The following PTPRD variants were observed in gnomAD, a reference collection of about 807,000 sequenced individuals.
PTPRD encodes the protein protein tyrosine phosphatase receptor type D, also known as receptor-type tyrosine-protein phosphatase delta.
A neutral mutation model predicts 214.5 loss-of-function variants in PTPRD; 34 were observed. The ratio of observed to expected loss-of-function variants is 0.16; its 90% CI spans 0.12 to 0.21. PTPRD has a LOEUF of 0.21. Among genes scored for constraint, PTPRD ranks in the 10% least tolerant of loss-of-function variants. The pLI is 1.00. For missense variants in PTPRD, 2,545 were observed against 2,398.7 expected (o/e 1.06, Z -1.27); for synonymous variants, 1,128 against 845.7 (o/e 1.33, Z -5.79).
chr9:9,118,623 A>T (rs1200916117), intron 10 of PTPRD, among the ~76,000 whole-genome samples: 2 of 152,242 alleles, frequency 1.3e-5, no homozygotes, highest in African/African-American at 2.4e-5. Flanking sequence ...TAAAGTTCTT[A>T]TATGTATAAA....
intron 8 of PTPRD, among the ~76,000 whole-genome samples, chr9:9,412,945 G>A (rs1236323210): frequency 6.6e-6 from 1 of 151,774 alleles, no homozygotes; most frequent in East Asian, 1.9e-4. Context: ...ATCAATGGAG[G>A]GATATAGTTT....
chr9:10,187,805 G>C (rs989959609), intron 3 of PTPRD, among the ~76,000 whole-genome samples: 1 of 152,130 alleles, frequency 6.6e-6, no homozygotes, highest in Admixed American at 6.5e-5. Flanking sequence ...CCTCTCACTA[G>C]AATTGTGGCA....
At chr9:10,150,557 T>C (rs569876883) in intron 3 of PTPRD, among the ~76,000 whole-genome samples, 1 of 152,062 alleles carries the variant, frequency 6.6e-6, no homozygotes, top group African/African-American at 2.4e-5. Context: ...ATATACCTAA[T>C]GTAACTGACC....
intron 12 of PTPRD, among the ~76,000 whole-genome samples, chr9:8,666,039 G>GT (rs35323995): frequency 0.17 from 23,922 of 144,440 alleles, 2,072 homozygotes; most frequent in African/African-American, 0.22. Context: ...TTTCATAACT[G>GT]TTTTTTTTTT....
At chr9:8,490,535 A>G (rs2097128953) in intron 27 of PTPRD, among the ~76,000 whole-genome samples, 1 of 152,236 alleles carries the variant, frequency 6.6e-6, no homozygotes, top group Non-Finnish European at 1.5e-5. Context: ...TGTTCAATAT[A>G]GTACTGAAAT....
At chr9:9,910,318 T>C (rs2078832414) in intron 5 of PTPRD, among the ~76,000 whole-genome samples, 2 of 152,024 alleles carry the variant, frequency 1.3e-5, no homozygotes, top group South Asian at 4.1e-4. Context: ...GTAATGTGAA[T>C]TTTTTCATCT....
intron 5 of PTPRD, among the ~76,000 whole-genome samples, chr9:9,857,885 G>C (rs1246978261): frequency 6.6e-6 from 1 of 151,510 alleles, no homozygotes; most frequent in Non-Finnish European, 1.5e-5. Flanking sequence ...TCTTTTAAAT[G>C]AGCATAGTTG....
At chr9:10,514,772 T>C (rs942013389) in intron 2 of PTPRD, among the ~76,000 whole-genome samples, 1 of 152,018 alleles carries the variant, frequency 6.6e-6, no homozygotes, top group Admixed American at 6.6e-5. Context: ...TGTATCCAGA[T>C]TTAATAGGCA....
chr9:9,372,099 G>T (rs940011333), intron 9 of PTPRD, among the ~76,000 whole-genome samples: 14 of 152,108 alleles, frequency 9.2e-5, no homozygotes, highest in Admixed American at 8.5e-4. Context: ...GTTGATTTGG[G>T]GTGGAGAGTT....
intron 5 of PTPRD, among the ~76,000 whole-genome samples, chr9:9,890,353 G>T (rs898083644): frequency 6.6e-6 from 1 of 151,438 alleles, no homozygotes; most frequent in Non-Finnish European, 1.5e-5. Flanking sequence ...TTCCCTCCAC[G>T]CCTGGCTATT....
chr9:8,845,627 G>C (rs1029085430), intron 11 of PTPRD, among the ~76,000 whole-genome samples: 17 of 150,920 alleles, frequency 1.1e-4, no homozygotes, highest in Admixed American at 3.3e-4. Flanking sequence ...TCAAAAACAA[G>C]ATTAGATACT....
chr9:9,345,399 A>C (rs1008234754), intron 9 of PTPRD, among the ~76,000 whole-genome samples: 3 of 152,114 alleles, frequency 2.0e-5, no homozygotes, highest in Non-Finnish European at 4.4e-5. Context: ...CAGAGGAGGC[A>C]TGAAGGCAGA....
intron 5 of PTPRD, among the ~76,000 whole-genome samples, chr9:9,817,446 A>T (rs1008162985): frequency 3.9e-5 from 6 of 152,200 alleles, no homozygotes; most frequent in Non-Finnish European, 5.9e-5. Context: ...CTACAAGTTA[A>T]CTATTTATTT....
In PTPRD at chr9:8,625,630, A is replaced by G. The variant is rs573214805; in HGVS notation, c.352+7687T>C. Among the ~76,000 whole-genome samples the G allele has an allele frequency of 4.0e-4, 61 of 151,888 alleles. 2 individuals carry two copies. The highest frequency in any genetic ancestry group is 1.4e-3 in the African/African-American group (57 of 41,506). ...CATCAGACATGTGAGAAAAATCTCA[A>G]TAGTGCTACACTTATGACCAAAAAT... On this transcript the variant is annotated intron_variant, in intron 14 of 45. Transcript: ENST00000381196.
At chr9:10,514,462 T>A (rs2049331150) in intron 2 of PTPRD, among the ~76,000 whole-genome samples, 3 of 151,706 alleles carry the variant, frequency 2.0e-5, no homozygotes, top group African/African-American at 7.2e-5. Context: ...TAGTTATATA[T>A]ATAAAATAAA....
In PTPRD at chr9:9,947,975, A is replaced by C. The variant is rs946715826; in HGVS notation, c.-471-9365T>G. ...AGTTATCTACGAGTTTCCTTGTTGCAGGAATATCCTGGTAGCAAGATTTTT... is the reference window on the plus strand; with the variant it reads ...AGTTATCTACGAGTTTCCTTGTTGCCGGAATATCCTGGTAGCAAGATTTTT... On this transcript the variant is annotated intron_variant, in intron 4 of 45. Transcript: ENST00000381196. 4.6e-5 allele frequency among the ~76,000 whole-genome samples: 7 copies of C among 151,904 alleles called. No homozygotes were observed. The South Asian group carries it at 6.2e-4, about 13-fold the overall frequency.
At chr9:8,358,567 T>C (rs1500317) in intron 39 of PTPRD, among the ~76,000 whole-genome samples, 137,287 of 152,118 alleles carry the variant, frequency 0.9, 61,979 homozygotes, top group African/African-American at 0.92. Context: ...AATGTAAACC[T>C]ATTTCCTAAG....
At chr9:9,563,436 A>C (rs1351331139) in intron 8 of PTPRD, among the ~76,000 whole-genome samples, 1 of 152,140 alleles carries the variant, frequency 6.6e-6, no homozygotes. Flanking sequence ...CTGTACCCAA[A>C]CCATGGATCA....
chr9:8,572,687 G>C (rs1232453964), intron 14 of PTPRD, among the ~76,000 whole-genome samples: 3 of 151,790 alleles, frequency 2.0e-5, no homozygotes, highest in Non-Finnish European at 2.9e-5. Flanking sequence ...TTCAGAAATA[G>C]ATTATATCAA....
Sources: gnomAD v4.1 joint callset for allele counts (sites outside exome capture counted in the v4.1 genomes callset) on GRCh38, gnomAD v4.1.1 for gene constraint, MANE v1.5 for transcripts, NCBI Gene and HGNC (gene_info 2026-07-23, HGNC 2026-07-21) for gene names.